The following LMTK2 variants were observed in gnomAD, a reference collection of about 807,000 sequenced individuals.
LMTK2 encodes serine/threonine-protein kinase LMTK2.
In LMTK2, 37 loss-of-function variants were observed where a neutral mutation model predicts 127.5. The ratio of observed to expected loss-of-function variants is 0.29; its 90% CI spans 0.22 to 0.38. The LOEUF is 0.38. Among genes scored for constraint, LMTK2 ranks in the 10% least tolerant of loss-of-function variants. The probability of loss-of-function intolerance (pLI) is 1.00; values close to 1 mark genes in which losing one functional copy is unlikely to be tolerated. For missense variants in LMTK2, 1,694 were observed against 1,920.3 expected (o/e 0.88, Z 2.20); for synonymous variants, 819 against 810.1 (o/e 1.01, Z -0.19).
Position 98,107,233 on chromosome 7 carries a change from T to C in LMTK2, c.56T>C (p.Leu19Pro). The change falls in exon 1 of 14, where the codon CTG (leucine) becomes CCG (proline). Residue 19 changes from leucine to proline, a missense_variant. Around this residue, in one of 8 missense-constraint regions of LMTK2, gnomAD observed 76 missense variants for 82.0 expected, o/e 0.93. Transcript: ENST00000297293. ...CTGCTGCTGCTGCTGCTGGTCCTCC[T>C]GATCGCCGGCAGTGCTGGGGCCGCG... ...RRLLLLLLVL[L>P]IAGSAGAAPL... 1 of 1,461,282 alleles carries C rather than the reference T, an allele frequency of 6.8e-7. No individual in the cohort carries two copies. The highest frequency in any genetic ancestry group is 2.5e-5 in the Admixed American group (1 of 39,592). 90.5% of individuals were successfully genotyped at this position (1,461,282 alleles called of 1,614,324 possible).
rs778168245 is a variant in LMTK2 at position 98,193,336 on chromosome 7, CGCAGCAAAAGAA to C, written c.2876_2887del (p.Ala959_Ala962del). On this transcript the variant is annotated inframe_deletion, in exon 11 of 14. Transcript: ENST00000297293. The surrounding 1 kb of genome is among the most constrained non-coding windows in gnomAD (Gnocchi z 4.1). Reference sequence around the variant, plus strand: ...CTTTAAATCAGCTCAATTCTAAAGACGCAGCAAAAGAAGCAGGCTTGGTGTCTGCCCTCTCCT... The same window carrying C: ...CTTTAAATCAGCTCAATTCTAAAGACGCAGGCTTGGTGTCTGCCCTCTCCT... 1.2e-6 allele frequency: 2 copies of C among 1,614,166 alleles called. No individual in the cohort carries two copies. The highest frequency in any genetic ancestry group is 3.3e-5 in the Admixed American group (2 of 60,022).
At chr7:98,204,580 T>C (rs944478783) in intron 13 of LMTK2, among the ~76,000 whole-genome samples, 1 of 152,196 alleles carries the variant, frequency 6.6e-6, no homozygotes, top group Non-Finnish European at 1.5e-5. Context: ...TGACCTATGA[T>C]TGTGCCACTG....
chr7:98,162,716 C>T (rs1797033081), intron 6 of LMTK2, among the ~76,000 whole-genome samples: 3 of 152,154 alleles, frequency 2.0e-5, no homozygotes, highest in Admixed American at 2.0e-4. Context: ...ATCATTGTTC[C>T]TCAAATAATT....
At chr7:98,107,611 A>T (rs1312889730) in intron 1 of LMTK2, among the ~76,000 whole-genome samples, 2 of 152,062 alleles carry the variant, frequency 1.3e-5, no homozygotes, top group Admixed American at 6.5e-5. Context: ...CCCTTTCCAG[A>T]TGTCACCTGC....
chr7:98,121,087 G>A (rs534785261), intron 1 of LMTK2, among the ~76,000 whole-genome samples: 38 of 152,204 alleles, frequency 2.5e-4, no homozygotes, highest in Middle Eastern at 3.4e-3. Flanking sequence ...GTCTCACACC[G>A]CCAGTTAGGG....
Position 98,107,071 on chromosome 7 carries a change from C to A in LMTK2, c.-107C>A. ...AACGTGTGCTCGGGAGCAACCGGCG[C>A]GGGTGCCACTGAGGCAGCGGAGGGA... is the stretch of plus-strand genomic sequence containing the variant. On this transcript the variant is annotated 5_prime_UTR_variant, in exon 1 of 14. Transcript: ENST00000297293. 1.2e-6 allele frequency: 1 copy of A among 831,756 alleles called. No individual in the cohort carries two copies. The highest frequency in any genetic ancestry group is 1.7e-6 in the Non-Finnish European group (1 of 589,910). The allele number at this position is 831,756 out of a possible 1,614,324, so 51.5% of individuals were successfully genotyped here.
At chr7:98,149,021 G>A (rs1302112494) in intron 3 of LMTK2, among the ~76,000 whole-genome samples, 1 of 152,224 alleles carries the variant, frequency 6.6e-6, no homozygotes, top group African/African-American at 2.4e-5. Flanking sequence ...GGCCTCAACT[G>A]TTGTTTTTGC....
At chr7:98,178,861 T>C (rs1179943933) in intron 7 of LMTK2, among the ~76,000 whole-genome samples, 1 of 152,244 alleles carries the variant, frequency 6.6e-6, no homozygotes, top group Non-Finnish European at 1.5e-5. Flanking sequence ...GTGCAACCTG[T>C]TGTTTCGTGA....
intron 1 of LMTK2, among the ~76,000 whole-genome samples, chr7:98,136,332 G>A (rs537873435): frequency 6.6e-6 from 1 of 152,278 alleles, no homozygotes; most frequent in South Asian, 2.1e-4. Context: ...GAAGAAATGA[G>A]GGAAATAGAA....
chr7:98,128,479 A>G (rs1477967415), intron 1 of LMTK2, among the ~76,000 whole-genome samples: 1 of 152,228 alleles, frequency 6.6e-6, no homozygotes, highest in Admixed American at 6.5e-5. Flanking sequence ...TAGGACTGTG[A>G]GAAAGTCAAG....
In LMTK2 at chr7:98,192,377, G is replaced by A. The variant is rs1404045499; in HGVS notation, c.1912G>A (p.Asp638Asn). ...PESPFNNIFN[D>N]VDKSEDLPSH... Reference sequence around the variant, plus strand: ...GAGCCCTTTCAACAATATATTTAATGATGTGGACAAATCGGAAGATTTGCC... The same window carrying A: ...GAGCCCTTTCAACAATATATTTAATAATGTGGACAAATCGGAAGATTTGCC... Residue 638 changes from aspartate to asparagine, a missense_variant, in exon 11 of 14, where the codon GAT (aspartate) becomes AAT (asparagine). Physicochemically the swap from Asp to Asn is conservative, Grantham distance 23 (BLOSUM62 1). Around this residue, in one of 8 missense-constraint regions of LMTK2, gnomAD observed 527 missense variants for 539.8 expected, o/e 0.98. Coordinates refer to ENST00000297293, the MANE Select transcript of LMTK2 (RefSeq NM_014916.4). 2 of 1,604,762 alleles carry A rather than the reference G, an allele frequency of 1.2e-6. No individual in the cohort carries two copies. Among genetic ancestry groups the A allele is most frequent in the East Asian group, 2.2e-5 (1 of 44,850 alleles).
chr7:98,183,886 C>G (rs373000535), intron 7 of LMTK2, among the ~76,000 whole-genome samples: 2 of 152,186 alleles, frequency 1.3e-5, no homozygotes, highest in Non-Finnish European at 2.9e-5. Context: ...ATCGGAAAAT[C>G]TTTGAATCCA....
chr7:98,145,910 C>T (rs2116377513), intron 3 of LMTK2, among the ~76,000 whole-genome samples: 1 of 152,258 alleles, frequency 6.6e-6, no homozygotes, highest in East Asian at 1.9e-4. Flanking sequence ...CAGGAAGATT[C>T]ATCTCTATGT....
chr7:98,167,146 C>T (rs1217821247), intron 6 of LMTK2, among the ~76,000 whole-genome samples: 3 of 152,186 alleles, frequency 2.0e-5, no homozygotes, highest in Non-Finnish European at 4.4e-5. Context: ...TTTGGGAAAA[C>T]AGTTGTCCCA....
chr7:98,107,360 G>A (rs570371755), intron 1 of LMTK2, 80 bp downstream of exon 1: 1 of 841,846 alleles, frequency 1.2e-6, no homozygotes, highest in Non-Finnish European at 1.6e-6. Context: ...GGCCGGCCTC[G>A]GCGCCGAGGA....
intron 1 of LMTK2, among the ~76,000 whole-genome samples, chr7:98,119,358 T>C (rs1796330703): frequency 6.6e-6 from 1 of 152,118 alleles, no homozygotes; most frequent in African/African-American, 2.4e-5. Flanking sequence ...AAACTTGAGA[T>C]TTTAAAATGA....
chr7:98,165,485 A>G (rs571070202), intron 6 of LMTK2, among the ~76,000 whole-genome samples: 23 of 152,150 alleles, frequency 1.5e-4, no homozygotes, highest in East Asian at 3.9e-4. Context: ...ATTTTATTCT[A>G]TTGTTTTTAA....
At chr7:98,185,824 A>G (rs1406439561) in intron 8 of LMTK2, among the ~76,000 whole-genome samples, 3 of 151,588 alleles carry the variant, frequency 2.0e-5, no homozygotes, top group African/African-American at 7.3e-5. Flanking sequence ...GGCCTCCCAG[A>G]GTACTAGGAT....
chr7:98,132,073 C>A (rs541010294), intron 1 of LMTK2, among the ~76,000 whole-genome samples: 2 of 152,150 alleles, frequency 1.3e-5, no homozygotes, highest in Non-Finnish European at 2.9e-5. Context: ...TGTGGGAGGG[C>A]TTGGGAGCAA....
Sources: gnomAD v4.1 joint callset for allele counts (sites outside exome capture counted in the v4.1 genomes callset) on GRCh38, gnomAD v4.1.1 for gene constraint, gnomAD v4.1.1 regional missense constraint, Gnocchi (gnomAD v3.1) non-coding constraint, MANE v1.5 for transcripts, NCBI Gene and HGNC (gene_info 2026-07-23, HGNC 2026-07-21) for gene names.